PIBF1: variants seen among roughly 807,000 people sequenced by gnomAD.
PIBF1 encodes progesterone immunomodulatory binding factor 1.
PIBF1 carries 90 observed loss-of-function variants against 112.5 expected under a neutral mutation model. The observed-to-expected ratio is 0.80, with a 90% CI of 0.67 to 0.95. The LOEUF is 0.95. PIBF1 is among the 40% of genes least tolerant of loss of function. The probability of loss-of-function intolerance (pLI) is 0.00; values close to 1 mark genes in which losing one functional copy is unlikely to be tolerated. For synonymous variants in PIBF1, 301 were observed against 288.6 expected, an observed-to-expected ratio of 1.04 and a Z score of -0.44; for missense variants, 915 against 852.3, an observed-to-expected ratio of 1.07 and a Z score of -0.92.
intron 9 of PIBF1, among the ~76,000 whole-genome samples, chr13:72,846,754 G>T (rs915306761): frequency 6.6e-6 from 1 of 151,948 alleles, no homozygotes; most frequent in Admixed American, 6.6e-5. Flanking sequence ...GTTCTATGTT[G>T]TCTTTGTTTT....
At chr13:73,015,767 T>G in intron 17 of PIBF1, 102 bp from the exon 18 acceptor site, 1 of 473,950 alleles carries the variant, frequency 2.1e-6, no homozygotes, top group East Asian at 3.6e-5. Flanking sequence ...TTTTTTAGTA[T>G]AGCTTACATA....
At chr13:72,922,231 G>A (rs955843139) in intron 13 of PIBF1, among the ~76,000 whole-genome samples, 5 of 151,948 alleles carry the variant, frequency 3.3e-5, no homozygotes, top group African/African-American at 1.2e-4. Context: ...TCCCACCTCA[G>A]CCTCCCAAAG....
chr13:72,885,734 C>T (rs2039824419), intron 10 of PIBF1, among the ~76,000 whole-genome samples: 1 of 152,140 alleles, frequency 6.6e-6, no homozygotes, highest in Non-Finnish European at 1.5e-5. Context: ...AAGTCTCAGG[C>T]AGAACCGTGG....
chr13:72,902,405 C>T (rs887091437), intron 11 of PIBF1, among the ~76,000 whole-genome samples: 1 of 148,964 alleles, frequency 6.7e-6, no homozygotes, highest in African/African-American at 2.5e-5. Flanking sequence ...TAAATAAGGG[C>T]TGTGTGGCTT....
chr13:72,894,998 C>T (rs994569860), intron 11 of PIBF1, among the ~76,000 whole-genome samples: 5 of 149,374 alleles, frequency 3.3e-5, no homozygotes, highest in Non-Finnish European at 7.5e-5. Context: ...GTGGCATGCA[C>T]CTGTAGTCCC....
At chr13:72,967,495 A>C (rs917859054) in intron 15 of PIBF1, among the ~76,000 whole-genome samples, 1 of 152,210 alleles carries the variant, frequency 6.6e-6, no homozygotes, top group Non-Finnish European at 1.5e-5. Flanking sequence ...AACATGCAAC[A>C]TTGTGATAGA....
chr13:72,860,286 G>T (rs376171967), intron 10 of PIBF1, among the ~76,000 whole-genome samples: 1 of 148,374 alleles, frequency 6.7e-6, no homozygotes, highest in Middle Eastern at 3.2e-3. Flanking sequence ...TCTGTAGTTC[G>T]CTTTCCCTGT....
rs112153173 is a variant in PIBF1 at position 72,945,083 on chromosome 13, C to T, written c.1833+13816C>T. On this transcript the variant is annotated intron_variant, in intron 14 of 17. Coordinates refer to ENST00000326291, the MANE Select transcript of PIBF1 (RefSeq NM_006346.4). ...TTGCTAGTTCCCAGAGTCTGTTGTT[C>T]CCATCTTTATGTCCATATGTATGCA... Among the ~76,000 whole-genome samples, 1,054 of 152,180 alleles carry T rather than the reference C, an allele frequency of 6.9e-3. 23 individuals are homozygous for T. The highest frequency in any genetic ancestry group is 0.024 in the African/African-American group (990 of 41,516).
At chr13:72,926,165 T>G (rs2041477672) in intron 13 of PIBF1, among the ~76,000 whole-genome samples, 1 of 152,224 alleles carries the variant, frequency 6.6e-6, no homozygotes, top group South Asian at 2.1e-4. Context: ...AAATTGCATA[T>G]GTGGCTTGCA....
intron 16 of PIBF1, among the ~76,000 whole-genome samples, chr13:72,989,567 G>T (rs138265260): frequency 4.6e-4 from 70 of 152,290 alleles, no homozygotes; most frequent in Middle Eastern, 3.4e-3. Context: ...ATTAGTGACA[G>T]CTTAGAATTA....
chr13:72,990,868 T>C (rs2043458631), intron 16 of PIBF1, among the ~76,000 whole-genome samples: 1 of 152,166 alleles, frequency 6.6e-6, no homozygotes, highest in African/African-American at 2.4e-5. Flanking sequence ...ATTAATTAAT[T>C]TTAAATATCC....
At chr13:72,900,317 A>G (rs9530110) in intron 11 of PIBF1, among the ~76,000 whole-genome samples, 15,611 of 152,268 alleles carry the variant, frequency 0.1, 1,092 homozygotes, top group Non-Finnish European at 0.15. Flanking sequence ...CAAAAAGAAC[A>G]AATCTGGAGG....
chr13:72,867,849 A>G (rs564658112), intron 10 of PIBF1, among the ~76,000 whole-genome samples: 1 of 152,380 alleles, frequency 6.6e-6, no homozygotes, highest in South Asian at 2.1e-4. Flanking sequence ...AGACAGTCGC[A>G]TATCTATCAT....
rs939338610 is a variant in PIBF1, at chr13:72,784,419, C to T, written c.252+698C>T. ...CACAATCGTGCCACTGCACTCCAGCCTGGGCAACACAGCAAGACTCTCAAA... is the reference window on the plus strand; with the variant it reads ...CACAATCGTGCCACTGCACTCCAGCTTGGGCAACACAGCAAGACTCTCAAA... On this transcript the variant is annotated intron_variant, in intron 2 of 17. Transcript: ENST00000326291. Among the ~76,000 whole-genome samples, 6 of 151,952 alleles carry T rather than the reference C, an allele frequency of 3.9e-5. No individual in the cohort carries two copies. In the South Asian group the frequency reaches 1.2e-3, roughly 31 times the overall value.
intron 14 of PIBF1, among the ~76,000 whole-genome samples, chr13:72,938,979 G>A (rs1016141457): frequency 6.6e-6 from 1 of 152,142 alleles, no homozygotes; most frequent in Non-Finnish European, 1.5e-5. Context: ...TTAGAAAGAT[G>A]TCTGTTCGAG....
intron 13 of PIBF1, among the ~76,000 whole-genome samples, chr13:72,919,537 A>G (rs550977487): frequency 4.0e-4 from 61 of 152,354 alleles, no homozygotes; most frequent in African/African-American, 1.4e-3. Flanking sequence ...CTAAGGAAGA[A>G]TAGAACATAG....
In PIBF1 at chr13:72,840,479, C is replaced by G. The variant is rs193012616; in HGVS notation, c.1223+5111C>G. 2.0e-5 allele frequency among the ~76,000 whole-genome samples: 3 copies of G among 151,064 alleles called. No homozygotes were observed. The South Asian group carries it at 6.3e-4, about 32-fold the overall frequency. ...TAAGTTGAAATGGATGAAGTACTTACACTTGCATATTTATATTTGGTCTCC... is the reference window on the plus strand; with the variant it reads ...TAAGTTGAAATGGATGAAGTACTTAGACTTGCATATTTATATTTGGTCTCC... On this transcript the variant is annotated intron_variant, in intron 9 of 17. Coordinates refer to ENST00000326291, the MANE Select transcript of PIBF1 (RefSeq NM_006346.4).
At chr13:72,976,711 G>A (rs2043031135) in intron 16 of PIBF1, among the ~76,000 whole-genome samples, 1 of 152,092 alleles carries the variant, frequency 6.6e-6, no homozygotes, top group Non-Finnish European at 1.5e-5. Context: ...TGCATATATG[G>A]AAAGAAAACA....
chr13:72,822,015 T>A (rs754605020), intron 6 of PIBF1, 33 bp downstream of exon 6: 2 of 1,567,118 alleles, frequency 1.3e-6, no homozygotes. Flanking sequence ...GTAGTAGTTC[T>A]CTATTTTTAG....
Sources: allele counts gnomAD v4.1 joint callset (sites outside exome capture counted in the v4.1 genomes callset), GRCh38; gene constraint gnomAD v4.1.1; transcripts MANE v1.5; gene names NCBI Gene and HGNC (gene_info 2026-07-23, HGNC 2026-07-21).